Variants in NOTCH2 observed in about 807,000 individuals in gnomAD.
The protein encoded by NOTCH2 is neurogenic locus notch homolog protein 2.
Under a neutral mutation model 235.8 loss-of-function variants are expected in NOTCH2, and 29 were observed. The observed-to-expected ratio is 0.12, with a 90% CI of 0.09 to 0.17. The LOEUF is 0.17. Among genes scored for constraint, NOTCH2 ranks in the 10% least tolerant of loss-of-function variants. The pLI, the probability that NOTCH2 is intolerant of heterozygous loss-of-function variation, is 1.00. For missense variants in NOTCH2, 2,285 were observed against 3,150.2 expected (o/e 0.73, Z 6.57); for synonymous variants, 1,086 against 1,141.5 (o/e 0.95, Z 0.98).
In NOTCH2 at chr1:120,067,895, T is replaced by C. The variant is rs1465072541; in HGVS notation, c.73+1439A>G. On this transcript the variant is annotated intron_variant, in intron 1 of 33. Coordinates refer to ENST00000256646, the MANE Select transcript of NOTCH2 (RefSeq NM_024408.4). ...GTTGGTGCTGAACAACCCAGTACTA[T>C]TTTCGGGTGATAAATAACCTTGTTC... Among the ~76,000 whole-genome samples the C allele has an allele frequency of 5.4e-5, 8 of 149,176 alleles. No individual in the cohort carries two copies. In the East Asian group the frequency reaches 1.6e-3, roughly 29 times the overall value.
At chr1:119,962,435 C>T (rs1298490640) in intron 11 of NOTCH2, among the ~76,000 whole-genome samples, 1 of 152,176 alleles carries the variant, frequency 6.6e-6, no homozygotes, top group Non-Finnish European at 1.5e-5. Context: ...CTATTCAGCC[C>T]TTTTAGTGAG....
At position 119,929,187 on chromosome 1, in the gene NOTCH2, A is replaced by T; in HGVS notation, c.3681T>A (p.Asp1227Glu). 6.2e-7 allele frequency: 1 copy of T among 1,614,194 alleles called. No individual in the cohort carries two copies. Among genetic ancestry groups the T allele is most frequent in the Non-Finnish European group, 8.5e-7 (1 of 1,179,994 alleles). The change falls in exon 23 of 34, where the codon GAT (aspartate) becomes GAA (glutamate). Residue 1227 changes from aspartate (D) to glutamate (E), a missense_variant. This residue lies in a region of NOTCH2 where 1,173 missense variants were observed against 1,515.3 expected (regional missense o/e 0.77). Transcript: ENST00000256646. The part of the protein sequence containing the change: ...TRGLLCEENI[D>E]DCARGPHCLN... The stretch of plus-strand genomic sequence containing the variant: ...GGCAATGGGGACCCCGGGCACAGTC[A>T]TCAATGTTCTCTTCACAGAGTAGGC...
chr1:120,010,180 CT>C (rs1369421566), intron 2 of NOTCH2, among the ~76,000 whole-genome samples: 4 of 151,540 alleles, frequency 2.6e-5, no homozygotes, highest in African/African-American at 9.7e-5. Flanking sequence ...TCCTATAATA[CT>C]TATCATTCGT....
At position 119,968,250 on chromosome 1, in the gene NOTCH2, A is replaced by C. The variant is rs1425228235; in HGVS notation, c.1109-18T>G. 10 of 1,612,824 alleles carry C rather than the reference A, an allele frequency of 6.2e-6. No individual in the cohort carries two copies. Among genetic ancestry groups the C allele is most frequent in the Non-Finnish European group, 7.6e-6 (9 of 1,179,626 alleles). ...CAGGAGACCTGTCACAGGGTGGGGC[A>C]AAGGACAACTAAGAGAAAATGTCTC... On this transcript the variant is annotated intron_variant, in intron 6 of 33. Transcript: ENST00000256646.
At chr1:120,010,156 CTTG>C (rs1398069300) in intron 2 of NOTCH2, among the ~76,000 whole-genome samples, 2 of 151,518 alleles carry the variant, frequency 1.3e-5, no homozygotes, top group Admixed American at 6.6e-5. Context: ...TCTGACAAGA[CTTG>C]TTAACTGAAT....
intron 2 of NOTCH2, among the ~76,000 whole-genome samples, chr1:120,006,035 T>A (rs1553206239): frequency 6.6e-6 from 1 of 151,174 alleles, no homozygotes; most frequent in Non-Finnish European, 1.5e-5. Context: ...AACTTGACCC[T>A]ATTATCCCCT....
chr1:119,950,645 C>T, intron 15 of NOTCH2, 79 bp downstream of exon 15: 1 of 882,318 alleles, frequency 1.1e-6, no homozygotes, highest in Non-Finnish European at 2.0e-6. Context: ...GCCCCACAGA[C>T]CTGGGCACTG....
chr1:120,067,151 G>A (rs1553217239), intron 1 of NOTCH2, among the ~76,000 whole-genome samples: 2 of 152,032 alleles, frequency 1.3e-5, no homozygotes, highest in African/African-American at 2.4e-5. Context: ...TGCTGCAACT[G>A]GTACCTTAGC....
chr1:119,992,183 C>CG (rs1652275865), intron 4 of NOTCH2, among the ~76,000 whole-genome samples: 1 of 58,598 alleles, frequency 1.7e-5, no homozygotes, highest in South Asian at 8.6e-4. Flanking sequence ...ATGTTTATCA[C>CG]GTTCAATTCA....
At chr1:119,996,373 C>A (rs1358081945) in intron 4 of NOTCH2, 1 of 459,422 alleles carries the variant, frequency 2.2e-6, no homozygotes, top group African/African-American at 2.0e-5. Flanking sequence ...TCTATCAGCT[C>A]ATCAAAAAGT....
At chr1:119,939,906 T>C (rs1650004093) in intron 19 of NOTCH2, among the ~76,000 whole-genome samples, 1 of 152,232 alleles carries the variant, frequency 6.6e-6, no homozygotes, top group African/African-American at 2.4e-5. Context: ...CTATGTTCTT[T>C]GGAGTTATTA....
intron 4 of NOTCH2, chr1:119,996,585 C>T (rs1404549826): frequency 1.3e-6 from 1 of 798,220 alleles, no homozygotes; most frequent in African/African-American, 1.7e-5. Flanking sequence ...AGCACAAGCA[C>T]ATAGGAAAGT....
At chr1:119,931,388 A>T (rs1649655278) in intron 22 of NOTCH2, among the ~76,000 whole-genome samples, 1 of 152,158 alleles carries the variant, frequency 6.6e-6, no homozygotes, top group South Asian at 2.1e-4. Context: ...AAGACTCCTC[A>T]TCATAAAGTT....
chr1:119,978,307 G>T (rs1180652339), intron 5 of NOTCH2, among the ~76,000 whole-genome samples: 1 of 151,962 alleles, frequency 6.6e-6, no homozygotes, highest in East Asian at 1.9e-4. Context: ...GAGAGGTGTG[G>T]CTGGAGAGGG....
At chr1:119,972,896 C>T (rs1237693245) in intron 5 of NOTCH2, among the ~76,000 whole-genome samples, 1 of 152,112 alleles carries the variant, frequency 6.6e-6, no homozygotes, top group Non-Finnish European at 1.5e-5. Context: ...GGCACACAGA[C>T]ATGGGGAAGT....
intron 5 of NOTCH2, among the ~76,000 whole-genome samples, chr1:119,973,477 G>T (rs1651447201): frequency 6.6e-6 from 1 of 152,148 alleles, no homozygotes; most frequent in Non-Finnish European, 1.5e-5. Context: ...ATCTTCCAAA[G>T]TTCACACGGT....
Position 119,991,997 on chromosome 1 carries a change from G to T in NOTCH2, c.752-4915C>A, listed in dbSNP as rs376314584. On this transcript the variant is annotated intron_variant, in intron 4 of 33. Transcript: ENST00000256646. Reference sequence around the variant, plus strand: ...CTCACTGACCCCTGTGCCACGTATCGCCCACTCCATCACCCGCCCAGGCTC... The same window carrying T: ...CTCACTGACCCCTGTGCCACGTATCTCCCACTCCATCACCCGCCCAGGCTC... Among the ~76,000 whole-genome samples the T allele has an allele frequency of 3.2e-5, 4 of 126,378 alleles. No homozygotes were observed. The East Asian group carries it at 6.3e-4, about 20-fold the overall frequency. The allele number at this position is 126,378 out of a possible 152,430, so 82.9% of individuals were successfully genotyped here.
intron 14 of NOTCH2, 29 bp from the exon 15 acceptor site, chr1:119,950,866 A>G: frequency 3.5e-6 from 5 of 1,410,190 alleles, no homozygotes; most frequent in Non-Finnish European, 4.0e-6. Context: ...AACCAAAAAC[A>G]GTAAAACTTT....
intron 18 of NOTCH2, among the ~76,000 whole-genome samples, chr1:119,941,237 T>C (rs1224900600): frequency 6.6e-6 from 1 of 152,248 alleles, no homozygotes; most frequent in Non-Finnish European, 1.5e-5. Context: ...TTTGGATTTT[T>C]GAAATGAATG....
Sources: gnomAD v4.1 joint callset for allele counts (sites outside exome capture counted in the v4.1 genomes callset) on GRCh38, gnomAD v4.1.1 for gene constraint, gnomAD v4.1.1 regional missense constraint, MANE v1.5 for transcripts, NCBI Gene and HGNC (gene_info 2026-07-23, HGNC 2026-07-21) for gene names.